Variants in SCEL observed in about 807,000 individuals in gnomAD.
SCEL encodes the protein sciellin.
In SCEL, 113 loss-of-function variants were observed where a neutral mutation model predicts 117.6. That is an observed-to-expected ratio of 0.96 (90% CI 0.83 to 1.12). The LOEUF (loss-of-function observed/expected upper bound fraction) is 1.12, where lower values mean the gene tolerates loss of function less well. SCEL is among the 50% of genes most tolerant of loss of function. The probability of loss-of-function intolerance (pLI) is 0.00; values close to 1 mark genes in which losing one functional copy is unlikely to be tolerated. For missense variants in SCEL, 785 were observed against 810.8 expected (o/e 0.97, Z 0.39); for synonymous variants, 270 against 256.2 (o/e 1.05, Z -0.51).
intron 4 of SCEL, among the ~76,000 whole-genome samples, chr13:77,562,574 G>A (rs1313670502): frequency 2.0e-5 from 3 of 152,124 alleles, no homozygotes; most frequent in Non-Finnish European, 4.4e-5. Flanking sequence ...TCTCAGCTTA[G>A]AACTTCCTTA....
chr13:77,591,903 G>A (rs1417748413), intron 11 of SCEL, among the ~76,000 whole-genome samples: 1 of 152,130 alleles, frequency 6.6e-6, no homozygotes, highest in Non-Finnish European at 1.5e-5. Context: ...CGTCGGGGGG[G>A]AGGGTAAGGT....
chr13:77,642,647 C>A, intron 31 of SCEL, 59 bp from the exon 32 acceptor site: 1 of 1,036,564 alleles, frequency 9.6e-7, no homozygotes, highest in Non-Finnish European at 1.4e-6. Context: ...ATGTCTGTTC[C>A]TCTAATAATC....
intron 11 of SCEL, among the ~76,000 whole-genome samples, chr13:77,593,113 C>T (rs1217566171): frequency 1.3e-5 from 2 of 152,040 alleles, no homozygotes; most frequent in Admixed American, 1.3e-4. Flanking sequence ...TCTGTGTTTA[C>T]TTGTCAGTTA....
chr13:77,626,814 G>C (rs1035616175), intron 27 of SCEL, among the ~76,000 whole-genome samples: 12 of 152,090 alleles, frequency 7.9e-5, no homozygotes, highest in Non-Finnish European at 1.6e-4. Flanking sequence ...TGTGGAAACA[G>C]ACTAATAAGC....
intron 31 of SCEL, 89 bp from the exon 32 acceptor site, chr13:77,642,617 G>T: frequency 1.5e-6 from 1 of 684,388 alleles, no homozygotes. Flanking sequence ...CCTTAAAAGT[G>T]CCTCGATGGT....
At chr13:77,594,109 T>C (rs2087081530) in intron 12 of SCEL, among the ~76,000 whole-genome samples, 1 of 152,226 alleles carries the variant, frequency 6.6e-6, no homozygotes, top group African/African-American at 2.4e-5. Context: ...TAAAACCTCA[T>C]TGACTCCTTC....
Position 77,624,996 on chromosome 13 carries a change from C to A in SCEL, c.1629-2951C>A, listed in dbSNP as rs529717203. ...TAGGCCATAGTAATGTGACCCTACT[C>A]TCAAGTTGTAATGAAAGCCACCAGT... On this transcript the variant is annotated intron_variant, in intron 27 of 32. Transcript: ENST00000349847. Among the ~76,000 whole-genome samples, 57 of 152,344 alleles carry A rather than the reference C, an allele frequency of 3.7e-4. No individual in the cohort carries two copies. The South Asian group carries it at 0.012, about 32-fold the overall frequency.
chr13:77,585,023 A>AC (rs1411085692), intron 9 of SCEL, among the ~76,000 whole-genome samples: 2 of 152,250 alleles, frequency 1.3e-5, no homozygotes, highest in African/African-American at 4.8e-5. Context: ...TGGGATTGAC[A>AC]GTGGAATTCT....
chr13:77,556,400 T>G (rs950252571), intron 2 of SCEL, among the ~76,000 whole-genome samples, 196 bp from the exon 3 acceptor site: 1 of 152,142 alleles, frequency 6.6e-6, no homozygotes, highest in African/African-American at 2.4e-5. Context: ...CTGAGCAACT[T>G]TATGTGTTAT....
At chr13:77,621,540 A>T (rs1567430497) in intron 27 of SCEL, among the ~76,000 whole-genome samples, 1 of 152,158 alleles carries the variant, frequency 6.6e-6, no homozygotes, top group Non-Finnish European at 1.5e-5. Context: ...CTGGCCCATA[A>T]CATTGGTCTC....
intron 6 of SCEL, 106 bp from the exon 7 acceptor site, chr13:77,568,189 C>T: frequency 1.5e-6 from 1 of 683,674 alleles, no homozygotes; most frequent in Non-Finnish European, 2.5e-6. Flanking sequence ...ATTTCTTTCT[C>T]TCACCAGTGT....
chr13:77,611,864 A>G (rs1173749090), intron 22 of SCEL, among the ~76,000 whole-genome samples: 1 of 152,154 alleles, frequency 6.6e-6, no homozygotes, highest in Non-Finnish European at 1.5e-5. Context: ...TGCTTATTAG[A>G]CATTATCTGT....
At chr13:77,599,869 G>A (rs1287095126) in intron 15 of SCEL, 121 bp downstream of exon 15, 4 of 716,770 alleles carry the variant, frequency 5.6e-6, no homozygotes, top group Admixed American at 2.2e-5. Flanking sequence ...TTAGACTGGG[G>A]TCCAGGGATA....
At chr13:77,555,952 C>G (rs200307862) in intron 2 of SCEL, 34 bp downstream of exon 2, 1 of 1,596,290 alleles carries the variant, frequency 6.3e-7, no homozygotes, top group Non-Finnish European at 8.6e-7. Context: ...ACTCAGAAAA[C>G]TTTAAAATTT....
chr13:77,594,365 C>A (rs1342584720), intron 12 of SCEL, among the ~76,000 whole-genome samples: 1 of 152,176 alleles, frequency 6.6e-6, no homozygotes, highest in Admixed American at 6.5e-5. Context: ...TCAAGGGAAA[C>A]CATTTTCTCT....
intron 15 of SCEL, among the ~76,000 whole-genome samples, chr13:77,600,204 C>T (rs2087562343): frequency 6.6e-6 from 1 of 152,182 alleles, no homozygotes; most frequent in South Asian, 2.1e-4. Flanking sequence ...CCTTGGCTCA[C>T]TGCAGCCACC....
chr13:77,581,546 C>T (rs1268328001), intron 9 of SCEL, among the ~76,000 whole-genome samples: 1 of 152,096 alleles, frequency 6.6e-6, no homozygotes, highest in Non-Finnish European at 1.5e-5. Context: ...CCGCCCCTGC[C>T]AGGGGGGCTC....
At chr13:77,544,055 G>T (rs2083867373) in intron 1 of SCEL, among the ~76,000 whole-genome samples, 1 of 152,098 alleles carries the variant, frequency 6.6e-6, no homozygotes, top group African/African-American at 2.4e-5. Flanking sequence ...TCATCATTAA[G>T]TTTCATTAAA....
chr13:77,563,956 A>T, intron 5 of SCEL, 57 bp downstream of exon 5: 1 of 1,208,514 alleles, frequency 8.3e-7, no homozygotes, highest in Non-Finnish European at 1.2e-6. Flanking sequence ...TACATTTTCT[A>T]ATAAAGTTAT....
Sources: allele counts gnomAD v4.1 joint callset (sites outside exome capture counted in the v4.1 genomes callset), GRCh38; gene constraint gnomAD v4.1.1; transcripts MANE v1.5; gene names NCBI Gene and HGNC (gene_info 2026-07-23, HGNC 2026-07-21).